PAX5: variants seen among roughly 807,000 people sequenced by gnomAD.
PAX5 encodes the protein paired box 5.
In PAX5, 9 loss-of-function variants were observed where a neutral mutation model predicts 43.7. The ratio of observed to expected loss-of-function variants is 0.21; its 90% CI spans 0.12 to 0.36. The LOEUF (loss-of-function observed/expected upper bound fraction) is 0.36. Among genes scored for constraint, PAX5 ranks in the 10% least tolerant of loss-of-function variants. The pLI, the probability that PAX5 is intolerant of heterozygous loss-of-function variation, is 1.00. For synonymous variants in PAX5, 228 were observed against 214.3 expected, an observed-to-expected ratio of 1.06 and a Z score of -0.56; for missense variants, 383 against 532.7, an observed-to-expected ratio of 0.72 and a Z score of 2.77.
Position 37,015,514 on chromosome 9 carries a change from C to CT in PAX5, c.213-321dup, listed in dbSNP as rs572841498. ...AATATATAATTAAAATATAGTACCT[C>CT]TTTTTTTTAACTTTTCTTAATGTGC... is the stretch of plus-strand genomic sequence containing the variant. On this transcript the variant is annotated intron_variant, in intron 2 of 9. Transcript: ENST00000358127. This position sits in a 1 kb window ranked among gnomAD's most constrained non-coding sequence, Gnocchi z 4.4. 4.3e-4 allele frequency among the ~76,000 whole-genome samples: 65 copies of CT among 150,920 alleles called. No homozygotes were observed. Among genetic ancestry groups the CT allele is most frequent in the African/African-American group, 1.1e-3 (45 of 41,158 alleles).
At chr9:36,877,680 G>A (rs967831212) in intron 8 of PAX5, among the ~76,000 whole-genome samples, 5 of 152,206 alleles carry the variant, frequency 3.3e-5, no homozygotes, top group African/African-American at 1.2e-4. Flanking sequence ...AGAAGCCCGA[G>A]AGGTCACAAA....
chr9:36,975,408 C>A (rs1362736210), intron 5 of PAX5, among the ~76,000 whole-genome samples: 1 of 149,190 alleles, frequency 6.7e-6, no homozygotes, highest in Non-Finnish European at 1.5e-5. Flanking sequence ...TTTTTTGAGA[C>A]GGAGTCTTGC....
intron 8 of PAX5, among the ~76,000 whole-genome samples, chr9:36,857,023 T>G (rs550759707): frequency 6.6e-6 from 1 of 152,200 alleles, no homozygotes; most frequent in East Asian, 1.9e-4. Context: ...GGAATAACAT[T>G]GAACTACATT....
intron 5 of PAX5, among the ~76,000 whole-genome samples, chr9:36,968,944 C>T (rs550484871): frequency 2.3e-4 from 35 of 152,278 alleles, no homozygotes; most frequent in Admixed American, 1.8e-3. Flanking sequence ...CACACGCACA[C>T]GCACACCAGG....
intron 3 of PAX5, among the ~76,000 whole-genome samples, chr9:37,012,302 C>T (rs900934369): frequency 1.3e-5 from 2 of 152,180 alleles, no homozygotes; most frequent in Non-Finnish European, 2.9e-5. Flanking sequence ...GAAACTAGCC[C>T]TCCTTTTACC....
intron 1 of PAX5, 30 bp downstream of exon 1, chr9:37,033,956 G>C: frequency 6.2e-7 from 1 of 1,608,762 alleles, no homozygotes; most frequent in Non-Finnish European, 8.5e-7. Flanking sequence ...CCCGGAGTTT[G>C]CACATCTGGA....
At chr9:36,978,336 C>T (rs1835627331) in intron 5 of PAX5, among the ~76,000 whole-genome samples, 5 of 152,184 alleles carry the variant, frequency 3.3e-5, no homozygotes. Flanking sequence ...TGAAATATTA[C>T]TAGGAGCAAA....
rs565672975 is a variant in PAX5, at chr9:36,838,530, T to A, written c.*2030A>T. The A allele has an allele frequency of 8.6e-6, 2 of 232,962 alleles. No homozygotes were observed. The highest frequency in any genetic ancestry group is 1.7e-5 in the Non-Finnish European group (2 of 117,924). The allele number at this position is 232,962 out of a possible 1,614,324, so 14.4% of individuals were successfully genotyped here. A position where few individuals can be genotyped will look rare whatever the true frequency, so the allele number is the denominator to read the frequency against. Reference sequence around the variant, plus strand: ...AATACTTAGCGGTGGCCAGAGGAAGTCTGCTTTTTCTCCCTGCATGGTCCT... The same window carrying A: ...AATACTTAGCGGTGGCCAGAGGAAGACTGCTTTTTCTCCCTGCATGGTCCT... On this transcript the variant is annotated 3_prime_UTR_variant, in exon 10 of 10. Coordinates refer to ENST00000358127, the MANE Select transcript of PAX5 (RefSeq NM_016734.3).
Position 36,838,315 on chromosome 9 carries a change from T to G in PAX5, c.*2245A>C, listed in dbSNP as rs2131558545. ...CATGGGGCCCAGAACCATCTCTCACTGCTCTTACTGTCAACTCTCCTCAGG... is the reference window on the plus strand; with the variant it reads ...CATGGGGCCCAGAACCATCTCTCACGGCTCTTACTGTCAACTCTCCTCAGG... On this transcript the variant is annotated 3_prime_UTR_variant, in exon 10 of 10. Transcript: ENST00000358127. 4.3e-6 allele frequency: 1 copy of G among 232,552 alleles called. No homozygotes were observed. Among genetic ancestry groups the G allele is most frequent in the East Asian group, 6.1e-5 (1 of 16,470 alleles). 14.4% of individuals were successfully genotyped at this position (232,552 alleles called of 1,614,324 possible).
chr9:36,942,645 G>A (rs1832145746), intron 6 of PAX5, among the ~76,000 whole-genome samples: 1 of 152,252 alleles, frequency 6.6e-6, no homozygotes, highest in Non-Finnish European at 1.5e-5. Flanking sequence ...CTCTACCAGA[G>A]GGGTGTGGTT....
intron 8 of PAX5, among the ~76,000 whole-genome samples, chr9:36,852,306 A>C (rs192225573): frequency 6.6e-6 from 1 of 152,316 alleles, no homozygotes; most frequent in African/African-American, 2.4e-5. Context: ...AGAGCTGTGG[A>C]AGTGACAGAA....
chr9:37,031,169 T>C (rs1840943312), intron 1 of PAX5, among the ~76,000 whole-genome samples: 1 of 152,212 alleles, frequency 6.6e-6, no homozygotes, highest in Non-Finnish European at 1.5e-5. Flanking sequence ...AACCAGGTTT[T>C]TCAAGAATCA....
intron 5 of PAX5, among the ~76,000 whole-genome samples, chr9:36,989,459 G>A (rs1296774960): frequency 1.3e-5 from 2 of 151,166 alleles, no homozygotes; most frequent in Non-Finnish European, 2.9e-5. Context: ...TGGTACAGTG[G>A]TTGTGAGTAT....
intron 8 of PAX5, among the ~76,000 whole-genome samples, chr9:36,853,006 A>G (rs1823311606): frequency 1.3e-5 from 2 of 152,240 alleles, no homozygotes; most frequent in African/African-American, 4.8e-5. Flanking sequence ...TCAAGCATAC[A>G]GCAAAGTTGA....
chr9:36,981,633 C>T (rs888805228), intron 5 of PAX5, among the ~76,000 whole-genome samples: 1 of 152,196 alleles, frequency 6.6e-6, no homozygotes, highest in African/African-American at 2.4e-5. Flanking sequence ...GCCTTACCTA[C>T]CTCTGAGACC....
chr9:37,034,198 C>T lies in PAX5; in HGVS notation c.-167G>A, dbSNP rs1841317452. Reference sequence around the variant, plus strand: ...CCCCCGCCGAGCTGGGGTAGCTGATCACTGAGCTGAAACTAAACGTTTTAG... The same window carrying T: ...CCCCCGCCGAGCTGGGGTAGCTGATTACTGAGCTGAAACTAAACGTTTTAG... On this transcript the variant is annotated 5_prime_UTR_variant, in exon 1 of 10. Transcript: ENST00000358127. 2 of 586,668 alleles carry T rather than the reference C, an allele frequency of 3.4e-6. No individual in the cohort carries two copies. Among genetic ancestry groups the T allele is most frequent in the Non-Finnish European group, 5.9e-6 (2 of 340,508 alleles). The allele number at this position is 586,668 out of a possible 1,614,324, so 36.3% of individuals were successfully genotyped here.
chr9:36,944,685 C>T (rs982294215), intron 6 of PAX5, among the ~76,000 whole-genome samples: 4 of 152,140 alleles, frequency 2.6e-5, no homozygotes, highest in East Asian at 3.8e-4. Flanking sequence ...GAGAAAGTGC[C>T]GAATGCGCTT....
intron 8 of PAX5, among the ~76,000 whole-genome samples, chr9:36,862,115 T>C (rs1385444023): frequency 6.6e-6 from 1 of 152,094 alleles, no homozygotes; most frequent in Non-Finnish European, 1.5e-5. Context: ...CATGCTGAAT[T>C]CTAGTCCTGG....
chr9:36,910,754 A>G (rs925350113), intron 7 of PAX5, among the ~76,000 whole-genome samples: 2 of 152,166 alleles, frequency 1.3e-5, no homozygotes, highest in Non-Finnish European at 2.9e-5. Context: ...GAAATCCCCA[A>G]TACCAGAGGT....
Sources: allele counts gnomAD v4.1 joint callset (sites outside exome capture counted in the v4.1 genomes callset), GRCh38; gene constraint gnomAD v4.1.1; non-coding constraint Gnocchi (gnomAD v3.1); transcripts MANE v1.5; gene names NCBI Gene and HGNC (gene_info 2026-07-23, HGNC 2026-07-21).